SLC39A11: variants seen among roughly 807,000 people sequenced by gnomAD.
The protein encoded by SLC39A11 is zinc transporter ZIP11.
In SLC39A11, 33 loss-of-function variants were observed where a neutral mutation model predicts 36.1. That is an observed-to-expected ratio of 0.91 (90% CI 0.69 to 1.22). SLC39A11 has a LOEUF of 1.22. Ranked by LOEUF, SLC39A11 falls within the 50% of genes most tolerant of loss-of-function variation. SLC39A11 has a pLI of 0.00. For missense variants in SLC39A11, 432 were observed against 430.3 expected (o/e 1.00, Z -0.03); for synonymous variants, 166 against 170.3 (o/e 0.97, Z 0.20).
chr17:73,037,554 T>G (rs1044249357), intron 3 of SLC39A11, among the ~76,000 whole-genome samples: 1 of 152,210 alleles, frequency 6.6e-6, no homozygotes, highest in Admixed American at 6.5e-5. Flanking sequence ...CCCCGGATGG[T>G]AGAGAACAAA....
intron 5 of SLC39A11, among the ~76,000 whole-genome samples, chr17:72,853,131 C>T (rs1167439946): frequency 5.9e-5 from 9 of 152,074 alleles, no homozygotes; most frequent in African/African-American, 1.9e-4. Context: ...CCTCCCACCT[C>T]GGCCTCCCAA....
chr17:72,936,131 G>A (rs942719298), intron 5 of SLC39A11, among the ~76,000 whole-genome samples: 3 of 152,106 alleles, frequency 2.0e-5, no homozygotes, highest in Admixed American at 1.3e-4. Flanking sequence ...CCAGGAGGCA[G>A]ACGTTGTGGT....
intron 5 of SLC39A11, among the ~76,000 whole-genome samples, chr17:72,876,022 A>C (rs1444115810): frequency 6.6e-6 from 1 of 152,176 alleles, no homozygotes; most frequent in Non-Finnish European, 1.5e-5. Context: ...TCTAAATGTA[A>C]TTAAAAGTAG....
Position 72,891,928 on chromosome 17 carries a change from AT to A in SLC39A11, c.431-42125del, listed in dbSNP as rs1395929524. ...GCCTGGGGCATTACTGTTCTGTGCT[AT>A]GCACTTCTGCAGCCTCAGGGCCTAG... On this transcript the variant is annotated intron_variant, in intron 5 of 9. Coordinates refer to ENST00000255559, the MANE Select transcript of SLC39A11 (RefSeq NM_139177.4). 2.0e-5 allele frequency among the ~76,000 whole-genome samples: 3 copies of A among 152,230 alleles called. 1 individual carries two copies. Among genetic ancestry groups the A allele is most frequent in the African/African-American group, 7.2e-5 (3 of 41,566 alleles).
At chr17:72,780,471 T>A (rs1197405065) in intron 6 of SLC39A11, among the ~76,000 whole-genome samples, 1 of 137,000 alleles carries the variant, frequency 7.3e-6, no homozygotes, top group African/African-American at 2.7e-5. Flanking sequence ...GTGAGGGTAT[T>A]AATTCCACGT....
chr17:72,998,111 G>T (rs984438509), intron 4 of SLC39A11, among the ~76,000 whole-genome samples: 2 of 152,146 alleles, frequency 1.3e-5, no homozygotes, highest in Admixed American at 6.5e-5. Context: ...TTAAATTTAC[G>T]AGTGGAAGAC....
intron 6 of SLC39A11, among the ~76,000 whole-genome samples, chr17:72,751,983 C>T (rs1381776285): frequency 2.6e-5 from 4 of 152,158 alleles, no homozygotes. Flanking sequence ...CTTCTACTTC[C>T]TGCCTCTGTG....
rs1056408311 is a variant in SLC39A11 at position 72,766,635 on chromosome 17, C to T, written c.602-29916G>A. 5.9e-5 allele frequency among the ~76,000 whole-genome samples: 9 copies of T among 152,302 alleles called. No homozygotes were observed. The East Asian group carries it at 1.4e-3, about 23-fold the overall frequency. On this transcript the variant is annotated intron_variant, in intron 6 of 9. Transcript: ENST00000255559. Reference sequence around the variant, plus strand: ...GCTAACATCTACTTGTCTCTCAGATCGCAGTTTTCAATATAACTTACTCAG... The same window carrying T: ...GCTAACATCTACTTGTCTCTCAGATTGCAGTTTTCAATATAACTTACTCAG...
intron 6 of SLC39A11, among the ~76,000 whole-genome samples, chr17:72,786,040 A>C (rs1389195294): frequency 1.3e-5 from 2 of 152,320 alleles, no homozygotes; most frequent in East Asian, 3.9e-4. Flanking sequence ...TCTGGATCAC[A>C]ATGGGCCAAA....
intron 7 of SLC39A11, among the ~76,000 whole-genome samples, chr17:72,675,550 C>T (rs578146092): frequency 1.3e-5 from 2 of 152,332 alleles, no homozygotes; most frequent in Admixed American, 6.5e-5. Context: ...TTCTCTATGA[C>T]AAGACACTCT....
chr17:72,697,762 G>A (rs1260566686), intron 7 of SLC39A11, among the ~76,000 whole-genome samples: 5 of 135,312 alleles, frequency 3.7e-5, no homozygotes, highest in Non-Finnish European at 7.9e-5. Context: ...CGACCCTCAT[G>A]ATCCTAGGGG....
chr17:72,890,782 G>A (rs907180405), intron 5 of SLC39A11, among the ~76,000 whole-genome samples: 2 of 152,074 alleles, frequency 1.3e-5, no homozygotes, highest in Non-Finnish European at 2.9e-5. Flanking sequence ...AGGAGAGAAT[G>A]CCAGGAAAAA....
chr17:72,983,561 A>G (rs1309235188), intron 4 of SLC39A11, among the ~76,000 whole-genome samples: 1 of 152,232 alleles, frequency 6.6e-6, no homozygotes, highest in Non-Finnish European at 1.5e-5. Flanking sequence ...ACAGACTAAT[A>G]TATCTACACT....
chr17:72,695,175 C>T lies in SLC39A11; in HGVS notation c.671+41475G>A, dbSNP rs115326430. On this transcript the variant is annotated intron_variant, in intron 7 of 9. Transcript: ENST00000255559. ...GACCTCATCTCCCAGAGGCCTCTGT[C>T]CCTCCCTTGATTGGGTCTCTGCCTC... Among the ~76,000 whole-genome samples the T allele has an allele frequency of 9.0e-4, 137 of 152,290 alleles. 1 individual carries two copies. Among genetic ancestry groups the T allele is most frequent in the African/African-American group, 3.0e-3 (123 of 41,560 alleles).
At chr17:72,787,222 C>A (rs1228574018) in intron 6 of SLC39A11, among the ~76,000 whole-genome samples, 1 of 145,710 alleles carries the variant, frequency 6.9e-6, no homozygotes, top group East Asian at 2.0e-4. Context: ...CAGTCTTTAC[C>A]ATTTGTCACT....
intron 4 of SLC39A11, among the ~76,000 whole-genome samples, chr17:72,966,140 C>T (rs1235682602): frequency 6.6e-6 from 1 of 152,208 alleles, no homozygotes; most frequent in Non-Finnish European, 1.5e-5. Context: ...TGAAAACCCA[C>T]AGGGCATCCA....
chr17:73,009,899 C>A (rs1324296919), intron 4 of SLC39A11, among the ~76,000 whole-genome samples: 1 of 151,828 alleles, frequency 6.6e-6, no homozygotes, highest in Admixed American at 6.6e-5. Flanking sequence ...CCCCCCACCC[C>A]ACGACAGGCC....
chr17:72,927,442 A>G (rs1288057712), intron 5 of SLC39A11, among the ~76,000 whole-genome samples: 2 of 152,198 alleles, frequency 1.3e-5, no homozygotes, highest in African/African-American at 4.8e-5. Context: ...AATTCAACAC[A>G]TATTCTAAAA....
At chr17:72,851,852 G>A (rs1008562914) in intron 5 of SLC39A11, among the ~76,000 whole-genome samples, 4 of 152,064 alleles carry the variant, frequency 2.6e-5, no homozygotes, top group Non-Finnish European at 4.4e-5. Context: ...CCTAATTCAC[G>A]AAGCCTTTAA....
Sources: gnomAD v4.1 joint callset for allele counts (sites outside exome capture counted in the v4.1 genomes callset) on GRCh38, gnomAD v4.1.1 for gene constraint, MANE v1.5 for transcripts, NCBI Gene and HGNC (gene_info 2026-07-23, HGNC 2026-07-21) for gene names.